Variants in USP6NL observed in about 807,000 individuals in gnomAD.
USP6NL encodes USP6 N-terminal like.
Under a neutral mutation model 61.9 loss-of-function variants are expected in USP6NL, and 26 were observed. That is an observed-to-expected ratio of 0.42 (90% CI 0.31 to 0.58). USP6NL has a LOEUF of 0.58. USP6NL is among the 20% of genes least tolerant of loss of function. The pLI is 0.16. For synonymous variants in USP6NL, 432 were observed against 390.1 expected, an observed-to-expected ratio of 1.11 and a Z score of -1.27; for missense variants, 1,114 against 1,034.3, an observed-to-expected ratio of 1.08 and a Z score of -1.06.
intron 2 of USP6NL, among the ~76,000 whole-genome samples, chr10:11,567,986 C>T (rs1261904686): frequency 6.6e-6 from 1 of 151,778 alleles, no homozygotes; most frequent in East Asian, 1.9e-4. Flanking sequence ...CTTAGCTAAC[C>T]ACTTCTGCGC....
intron 2 of USP6NL, among the ~76,000 whole-genome samples, chr10:11,572,663 TA>T (rs1330258034): frequency 1.3e-5 from 2 of 152,054 alleles, no homozygotes; most frequent in Non-Finnish European, 2.9e-5. Context: ...AAAGAAAAAA[TA>T]TAAAGTAATC....
At chr10:11,566,562 G>A (rs1364758116) in intron 2 of USP6NL, among the ~76,000 whole-genome samples, 1 of 152,202 alleles carries the variant, frequency 6.6e-6, no homozygotes, top group Non-Finnish European at 1.5e-5. Flanking sequence ...AAGGTCACAA[G>A]ACTAGTAAGT....
chr10:11,599,800 C>G (rs1838454195), intron 1 of USP6NL, among the ~76,000 whole-genome samples: 1 of 148,816 alleles, frequency 6.7e-6, no homozygotes, highest in Non-Finnish European at 1.5e-5. Context: ...GCTGGGACTA[C>G]AGGGACCTGC....
At chr10:11,488,024 T>C (rs1159809656) in intron 10 of USP6NL, among the ~76,000 whole-genome samples, 3 of 152,196 alleles carry the variant, frequency 2.0e-5, no homozygotes, top group African/African-American at 7.2e-5. Flanking sequence ...TATTAACACT[T>C]AGAATAACTA....
At chr10:11,493,273 G>A (rs1833778641) in intron 7 of USP6NL, 45 bp from the exon 8 acceptor site, 2 of 1,499,830 alleles carry the variant, frequency 1.3e-6, no homozygotes, top group South Asian at 2.5e-5. Context: ...ATGGAAATTA[G>A]TTGTTGAAAA....
intron 2 of USP6NL, among the ~76,000 whole-genome samples, chr10:11,543,523 C>T (rs1439203568): frequency 6.6e-6 from 1 of 150,402 alleles, no homozygotes; most frequent in East Asian, 2.0e-4. Context: ...GCCTGGGTGA[C>T]AGAGTGAGAC....
intron 2 of USP6NL, among the ~76,000 whole-genome samples, chr10:11,550,246 C>G (rs1836432909): frequency 6.6e-6 from 1 of 151,830 alleles, no homozygotes; most frequent in Non-Finnish European, 1.5e-5. Flanking sequence ...AAAAATAGCA[C>G]AAACTAGAAA....
chr10:11,592,359 A>G lies in USP6NL; in HGVS notation c.4+5272T>C, dbSNP rs1171615085. Among the ~76,000 whole-genome samples the G allele has an allele frequency of 6.6e-6, 1 of 152,192 alleles. No homozygotes were observed. The highest frequency in any genetic ancestry group is 2.4e-5 in the African/African-American group (1 of 41,444). On this transcript the variant is annotated intron_variant, in intron 2 of 14. Coordinates refer to ENST00000609104, the MANE Select transcript of USP6NL (RefSeq NM_014688.5). The surrounding 1 kb of genome is among the most constrained non-coding windows in gnomAD (Gnocchi z 4.7). ...CCACTGACTACAGCTAAAGGCTGCCACAGGTCTGACAGTGGCCCCTGCCCA... is the reference window on the plus strand; with the variant it reads ...CCACTGACTACAGCTAAAGGCTGCCGCAGGTCTGACAGTGGCCCCTGCCCA...
rs568868315 is a variant in USP6NL, at chr10:11,489,389, G to A, written c.544-167C>T. On this transcript the variant is annotated intron_variant, in intron 9 of 14. Coordinates refer to ENST00000609104, the MANE Select transcript of USP6NL (RefSeq NM_014688.5). This position sits in a 1 kb window ranked among gnomAD's most constrained non-coding sequence, Gnocchi z 5.7. ...CTTTACAGTATTATGCCACATAAGAGAATAAAATTGTGCTAAAAAATAAAT... is the reference window on the plus strand; with the variant it reads ...CTTTACAGTATTATGCCACATAAGAAAATAAAATTGTGCTAAAAAATAAAT... Among the ~76,000 whole-genome samples, 1 of 152,266 alleles carries A rather than the reference G, an allele frequency of 6.6e-6. No homozygotes were observed. Among genetic ancestry groups the A allele is most frequent in the South Asian group, 2.1e-4 (1 of 4,822 alleles).
chr10:11,594,286 T>C lies in USP6NL; in HGVS notation c.4+3345A>G, dbSNP rs73570818. ...TCATCAAATGGACAAGAAAAAGAAA[T>C]GTAACTCAGTCTGATTCAGAGGGAG... On this transcript the variant is annotated intron_variant, in intron 2 of 14. Coordinates refer to ENST00000609104, the MANE Select transcript of USP6NL (RefSeq NM_014688.5). 8.5e-3 allele frequency among the ~76,000 whole-genome samples: 1,291 copies of C among 152,272 alleles called. 18 individuals carry two copies. Among genetic ancestry groups the C allele is most frequent in the African/African-American group, 0.029 (1,219 of 41,544 alleles).
chr10:11,549,352 T>C (rs557840456), intron 2 of USP6NL, among the ~76,000 whole-genome samples: 1 of 152,314 alleles, frequency 6.6e-6, no homozygotes, highest in East Asian at 1.9e-4. Context: ...AGCAGGCCTA[T>C]CTAGTTATTA....
rs925650456 is a variant in USP6NL, at chr10:11,583,228, G to A, written c.4+14403C>T. 4.3e-5 allele frequency among the ~76,000 whole-genome samples: 6 copies of A among 138,434 alleles called. No homozygotes were observed. The South Asian group carries it at 6.8e-4, about 16-fold the overall frequency. The allele number at this position is 138,434 out of a possible 152,430, so 90.8% of individuals were successfully genotyped here. A position where few individuals can be genotyped will look rare whatever the true frequency, so the allele number is the denominator to read the frequency against. On this transcript the variant is annotated intron_variant, in intron 2 of 14. Coordinates refer to ENST00000609104, the MANE Select transcript of USP6NL (RefSeq NM_014688.5). Reference sequence around the variant, plus strand: ...CCCTGAGACGGAGTCTCGCTCTGTCGCCCAGGCTGGAGTGCAGTGGCACCA... The same window carrying A: ...CCCTGAGACGGAGTCTCGCTCTGTCACCCAGGCTGGAGTGCAGTGGCACCA...
chr10:11,560,053 G>A (rs940300619), intron 2 of USP6NL, among the ~76,000 whole-genome samples: 13 of 152,006 alleles, frequency 8.6e-5, no homozygotes, highest in Admixed American at 2.6e-4. Context: ...CTTGTTCTAC[G>A]TTGTCCAAGT....
chr10:11,512,877 T>C (rs1834784731), intron 5 of USP6NL, among the ~76,000 whole-genome samples: 1 of 152,212 alleles, frequency 6.6e-6, no homozygotes. Flanking sequence ...TGACCTGGGT[T>C]CAAATCTGAG....
chr10:11,587,056 G>A lies in USP6NL; in HGVS notation c.4+10575C>T, dbSNP rs1837995493. Reference sequence around the variant, plus strand: ...GGATGTCCCTTTTGGTACTAAGACCGTACTACTGGCTCAATGTCTGGCTTT... The same window carrying A: ...GGATGTCCCTTTTGGTACTAAGACCATACTACTGGCTCAATGTCTGGCTTT... On this transcript the variant is annotated intron_variant, in intron 2 of 14. Transcript: ENST00000609104. The surrounding 1 kb of genome is among the most constrained non-coding windows in gnomAD (Gnocchi z 4.5). Among the ~76,000 whole-genome samples the A allele has an allele frequency of 6.6e-6, 1 of 152,114 alleles. No homozygotes were observed. The highest frequency in any genetic ancestry group is 1.5e-5 in the Non-Finnish European group (1 of 68,010).
chr10:11,541,685 T>C (rs1836074520), intron 2 of USP6NL, among the ~76,000 whole-genome samples: 1 of 152,148 alleles, frequency 6.6e-6, no homozygotes, highest in Non-Finnish European at 1.5e-5. Context: ...GCAACCTCCC[T>C]AGATGTGCAC....
chr10:11,466,143 A>G (rs1220871061), intron 14 of USP6NL, among the ~76,000 whole-genome samples: 2 of 152,232 alleles, frequency 1.3e-5, no homozygotes, highest in African/African-American at 2.4e-5. Context: ...AGAATGGTTA[A>G]CATGGGTTCG....
Position 11,484,396 on chromosome 10 carries a change from G to GT in USP6NL, c.925+574dup, listed in dbSNP as rs34864370. Among the ~76,000 whole-genome samples, 1,445 of 144,612 alleles carry GT rather than the reference G, an allele frequency of 1.0e-2. 8 individuals are homozygous for GT. Among genetic ancestry groups the GT allele is most frequent in the African/African-American group, 0.02 (772 of 39,402 alleles). The allele number at this position is 144,612 out of a possible 152,430, so 94.9% of individuals were successfully genotyped here. ...GCAACTGAAGACTAAAAATTCTCCA[G>GT]TTTTTTTTTTTTTTTAATCTTGCTC... On this transcript the variant is annotated intron_variant, in intron 13 of 14. Transcript: ENST00000609104.
At chr10:11,601,118 A>T (rs1249406324) in intron 1 of USP6NL, among the ~76,000 whole-genome samples, 1 of 152,222 alleles carries the variant, frequency 6.6e-6, no homozygotes, top group Admixed American at 6.5e-5. Flanking sequence ...TCCATCAACA[A>T]AAGGGTAAGT....
Sources: gnomAD v4.1 joint callset for allele counts (sites outside exome capture counted in the v4.1 genomes callset) on GRCh38, gnomAD v4.1.1 for gene constraint, Gnocchi (gnomAD v3.1) non-coding constraint, MANE v1.5 for transcripts, NCBI Gene and HGNC (gene_info 2026-07-23, HGNC 2026-07-21) for gene names.